Variants in RYR2 observed in about 807,000 individuals in gnomAD.
RYR2 encodes cardiac muscle ryanodine receptor-calcium release channel.
In RYR2, 227 loss-of-function variants were observed where a neutral mutation model predicts 601.1. That is an observed-to-expected ratio of 0.38 (90% CI 0.34 to 0.42). The LOEUF is 0.42. RYR2 is among the 10% of genes least tolerant of loss of function. The probability of loss-of-function intolerance (pLI) is 1.00; values close to 1 mark genes in which losing one functional copy is unlikely to be tolerated. For missense variants in RYR2, 4,646 were observed against 6,156.5 expected, an observed-to-expected ratio of 0.75 and a Z score of 8.21; for synonymous variants, 2,223 against 2,175.1, an observed-to-expected ratio of 1.02 and a Z score of -0.61.
rs754398749 is a variant in RYR2 at position 237,511,714 on chromosome 1, C to T, written c.2745C>T (p.His915=). 17 of 1,572,812 alleles carry T rather than the reference C, an allele frequency of 1.1e-5. No homozygotes were observed. In the Admixed American group the frequency reaches 2.9e-4, roughly 27 times the overall value. ...TTAGAGATGACAACAAGAGACAACA[C>T]CCATGCCTGGTGGAGTTCTCCAAGC... ...GPVRDDNKRQ[H]PCLVEFSKLP... is the part of the protein sequence containing the mutation. Residue 915 remains histidine, a synonymous_variant, in exon 24 of 105, where the codon CAC becomes CAT. Transcript: ENST00000366574.
rs544155529 is a variant in RYR2, at chr1:237,452,576, A to G, written c.1293-1815A>G. On this transcript the variant is annotated intron_variant, in intron 14 of 104. Coordinates refer to ENST00000366574, the MANE Select transcript of RYR2 (RefSeq NM_001035.3). ...ATCATATATTTTATATACACTATAT[A>G]TGTTTTCATTTTTCTTCTGGATATA... Among the ~76,000 whole-genome samples, 6 of 147,602 alleles carry G rather than the reference A, an allele frequency of 4.1e-5. No homozygotes were observed. The East Asian group carries it at 1.2e-3, about 29-fold the overall frequency.
chr1:237,135,686 G>T (rs1438294325), intron 1 of RYR2, among the ~76,000 whole-genome samples: 1 of 151,992 alleles, frequency 6.6e-6, no homozygotes, highest in Non-Finnish European at 1.5e-5. Context: ...CCCCTCGTTG[G>T]TTTTAACTGT....
At chr1:237,418,199 C>T (rs532278656) in intron 11 of RYR2, among the ~76,000 whole-genome samples, 199 of 152,136 alleles carry the variant, frequency 1.3e-3, no homozygotes, top group Admixed American at 2.3e-3. Context: ...CCTGCCACCA[C>T]GCCCAGCTAA....
intron 1 of RYR2, among the ~76,000 whole-genome samples, chr1:237,073,726 C>T (rs949590711): frequency 1.3e-5 from 2 of 152,000 alleles, no homozygotes; most frequent in Admixed American, 6.6e-5. Flanking sequence ...AAAAAATTAG[C>T]TGGGTGTTGT....
At chr1:237,724,387 A>G (rs1446499437) in intron 74 of RYR2, among the ~76,000 whole-genome samples, 1 of 151,536 alleles carries the variant, frequency 6.6e-6, no homozygotes, top group Non-Finnish European at 1.5e-5. Flanking sequence ...TTAATAATGC[A>G]AAGATATCAT....
chr1:237,798,109 C>T lies in RYR2; in HGVS notation c.14029C>T (p.Leu4677=), dbSNP rs112864477. 1,295 of 1,612,168 alleles carry T rather than the reference C, an allele frequency of 8.0e-4. 10 individuals carry two copies. In the African/African-American group the frequency reaches 0.016, roughly 20 times the overall value. ...SELLGMDKAA[L]DFSDAREKKK... is the part of the protein sequence containing the mutation. Reference sequence around the variant, plus strand: ...ATTACTTGGCATGGACAAGGCAGCTCTGGACTTCAGTGATGCCAGAGAAAA... The same window carrying T: ...ATTACTTGGCATGGACAAGGCAGCTTTGGACTTCAGTGATGCCAGAGAAAA... Residue 4677 remains leucine, a synonymous_variant, in exon 97 of 105, where the codon CTG becomes TTG. Coordinates refer to ENST00000366574, the MANE Select transcript of RYR2 (RefSeq NM_001035.3).
chr1:237,622,458 A>G (rs1250878769), intron 38 of RYR2, among the ~76,000 whole-genome samples: 2 of 152,196 alleles, frequency 1.3e-5, no homozygotes, highest in African/African-American at 4.8e-5. Context: ...TATTTTATAA[A>G]ATTTCCTTCA....
At position 237,798,519 on chromosome 1, in the gene RYR2, G is replaced by GA. The variant is rs554597107; in HGVS notation, c.14090+355dup. Among the ~76,000 whole-genome samples the GA allele has an allele frequency of 3.9e-4, 60 of 152,106 alleles. 1 individual carries two copies. The highest frequency in any genetic ancestry group is 3.3e-4 in the Admixed American group (5 of 15,280). The stretch of plus-strand genomic sequence containing the variant: ...GGCTGTTTTCTGGTAATTCCTGTTT[G>GA]AAAAAACGTTAATTTTCTTATGTTT... On this transcript the variant is annotated intron_variant, in intron 97 of 104. Coordinates refer to ENST00000366574, the MANE Select transcript of RYR2 (RefSeq NM_001035.3).
chr1:237,724,897 A>G (rs1481653918), intron 74 of RYR2, among the ~76,000 whole-genome samples: 1 of 152,104 alleles, frequency 6.6e-6, no homozygotes, highest in African/African-American at 2.4e-5. Flanking sequence ...TTATATTCCC[A>G]TATATTCATA....
chr1:237,060,491 C>G (rs980868027), intron 1 of RYR2, among the ~76,000 whole-genome samples: 1 of 152,088 alleles, frequency 6.6e-6, no homozygotes, highest in Admixed American at 6.6e-5. Flanking sequence ...GCAGTGTGAA[C>G]GCAGTTGTGT....
chr1:237,727,659 G>A (rs1690309712), intron 76 of RYR2, among the ~76,000 whole-genome samples: 1 of 152,130 alleles, frequency 6.6e-6, no homozygotes, highest in Non-Finnish European at 1.5e-5. Flanking sequence ...TGTATACAGA[G>A]TGCTTAGAAG....
chr1:237,379,674 G>C (rs1412031580), intron 8 of RYR2, among the ~76,000 whole-genome samples: 1 of 152,088 alleles, frequency 6.6e-6, no homozygotes. Flanking sequence ...CTGTGGCCCA[G>C]GCTGGAGTAC....
chr1:237,473,378 T>C (rs1660959884), intron 17 of RYR2, among the ~76,000 whole-genome samples: 1 of 151,502 alleles, frequency 6.6e-6, no homozygotes, highest in South Asian at 2.1e-4. Flanking sequence ...GAGCCGAGAT[T>C]GCACGACTGC....
At chr1:237,042,935 C>A (rs1397490186) in intron 1 of RYR2, among the ~76,000 whole-genome samples, 1 of 152,088 alleles carries the variant, frequency 6.6e-6, no homozygotes, top group African/African-American at 2.4e-5. Context: ...ACCTCCCGGG[C>A]GGCCGGGGGC....
At chr1:237,744,312 A>G (rs1691867911) in intron 80 of RYR2, among the ~76,000 whole-genome samples, 1 of 151,620 alleles carries the variant, frequency 6.6e-6, no homozygotes, top group African/African-American at 2.4e-5. Context: ...TTCTGTGAAG[A>G]TGATACCTAT....
At chr1:237,645,341 A>G (rs1331918084) in intron 48 of RYR2, among the ~76,000 whole-genome samples, 1 of 152,134 alleles carries the variant, frequency 6.6e-6, no homozygotes, top group Non-Finnish European at 1.5e-5. Flanking sequence ...TGGCTTCCCC[A>G]TTTGAGACAG....
Position 237,788,085 on chromosome 1 carries a change from C to G in RYR2, c.13426C>G (p.Pro4476Ala), listed in dbSNP as rs1277251368. The change falls in exon 92 of 105, where the codon CCA (proline) becomes GCA (alanine). Residue 4476 changes from proline (P) to alanine (A), a missense_variant. Pro to Ala is a conservative substitution (Grantham distance 27). Around this residue, in one of 17 missense-constraint regions of RYR2, gnomAD observed 364 missense variants for 442.9 expected, o/e 0.82. Coordinates refer to ENST00000366574, the MANE Select transcript of RYR2 (RefSeq NM_001035.3). ...ACACAGATACGGAGAACCAGAAGTG[C>G]CAGAGTCAGCATTCTGGAAGAAAAT... ...HTHRYGEPEVPESAFWKKIIA... is the reference protein window; with the variant it reads ...HTHRYGEPEVAESAFWKKIIA... The G allele has an allele frequency of 6.2e-7, 1 of 1,611,872 alleles. No individual in the cohort carries two copies. The highest frequency in any genetic ancestry group is 1.3e-5 in the African/African-American group (1 of 74,832).
At chr1:237,495,198 T>G (rs1164335366) in intron 19 of RYR2, among the ~76,000 whole-genome samples, 1 of 152,148 alleles carries the variant, frequency 6.6e-6, no homozygotes, top group Non-Finnish European at 1.5e-5. Flanking sequence ...ATGCTTAAAT[T>G]TATAGATGTT....
chr1:237,825,816 CATAAGA>C (rs1195200190), intron 101 of RYR2, among the ~76,000 whole-genome samples: 1 of 152,052 alleles, frequency 6.6e-6, no homozygotes, highest in East Asian at 1.9e-4. Flanking sequence ...TAAACAACTT[CATAAGA>C]ATAAAACAAA....
Sources: gnomAD v4.1 joint callset for allele counts (sites outside exome capture counted in the v4.1 genomes callset) on GRCh38, gnomAD v4.1.1 for gene constraint, gnomAD v4.1.1 regional missense constraint, MANE v1.5 for transcripts, NCBI Gene and HGNC (gene_info 2026-07-23, HGNC 2026-07-21) for gene names.